Variants in SORL1 observed in about 807,000 individuals in gnomAD.
SORL1 encodes sortilin-related receptor.
A neutral mutation model predicts 273.7 loss-of-function variants in SORL1; 127 were observed. The ratio of observed to expected loss-of-function variants is 0.46; its 90% CI spans 0.40 to 0.54. The LOEUF (loss-of-function observed/expected upper bound fraction) is 0.54. SORL1 is among the 20% of genes least tolerant of loss of function. The probability of loss-of-function intolerance (pLI) is 0.00; values close to 1 mark genes in which losing one functional copy is unlikely to be tolerated. For missense variants in SORL1, 2,494 were observed against 2,846.1 expected, an observed-to-expected ratio of 0.88 and a Z score of 2.81; for synonymous variants, 1,031 against 1,067.4, an observed-to-expected ratio of 0.97 and a Z score of 0.66.
chr11:121,461,011 G>T (rs1045040115), intron 1 of SORL1, among the ~76,000 whole-genome samples: 2 of 152,140 alleles, frequency 1.3e-5, no homozygotes, highest in South Asian at 2.1e-4. Flanking sequence ...AGATGGCAGG[G>T]AGTGGGGACA....
Position 121,629,800 on chromosome 11 carries a change from G to A in SORL1, c.*237G>A. The stretch of plus-strand genomic sequence containing the variant: ...CCAATTGCTTTGATTTGACATTAAT[G>A]TAGTCTTACAGGGCTGTGCTTGCTG... On this transcript the variant is annotated 3_prime_UTR_variant, in exon 48 of 48. Coordinates refer to ENST00000260197, the MANE Select transcript of SORL1 (RefSeq NM_003105.6). 7.5e-6 allele frequency: 4 copies of A among 530,134 alleles called. No individual in the cohort carries two copies. The highest frequency in any genetic ancestry group is 4.9e-5 in the South Asian group (2 of 41,024). 32.8% of individuals were successfully genotyped at this position (530,134 alleles called of 1,614,324 possible).
intron 22 of SORL1, among the ~76,000 whole-genome samples, chr11:121,568,520 G>C (rs1862785416): frequency 6.6e-6 from 1 of 152,078 alleles, no homozygotes. Context: ...TTTCTGTAAG[G>C]AATTTTAATT....
chr11:121,479,868 G>A (rs1861345240), intron 3 of SORL1, among the ~76,000 whole-genome samples: 1 of 152,176 alleles, frequency 6.6e-6, no homozygotes, highest in South Asian at 2.1e-4. Context: ...TAACTCCAGG[G>A]TGACAGAGTA....
chr11:121,588,279 A>C (rs1447072958), intron 28 of SORL1, 128 bp downstream of exon 28: 2 of 979,678 alleles, frequency 2.0e-6, no homozygotes, highest in African/African-American at 3.2e-5. Context: ...GGGTTTGACC[A>C]CCCTGGAGTT....
At chr11:121,576,969 A>G in intron 24 of SORL1, 3 of 1,506,180 alleles carry the variant, frequency 2.0e-6, no homozygotes, top group East Asian at 2.5e-5. Context: ...TCTTCCCATC[A>G]TAGCAAGCAT....
At position 121,588,153 on chromosome 11, in the gene SORL1, T is replaced by C. The variant is rs1226383841; in HGVS notation, c.3946+2T>C. The C allele has an allele frequency of 6.2e-7, 1 of 1,612,804 alleles. No homozygotes were observed. The highest frequency in any genetic ancestry group is 8.5e-7 in the Non-Finnish European group (1 of 1,179,264). On this transcript the variant is annotated splice_donor_variant, in intron 28 of 47. Coordinates refer to ENST00000260197, the MANE Select transcript of SORL1 (RefSeq NM_003105.6). LOFTEE classifies it high-confidence loss of function. Reference sequence around the variant, plus strand: ...AGGATGCGGCGTTTGCAGGATGCTGTGAGTTGGGGCAGGCAGGGGAGGTGA... The same window carrying C: ...AGGATGCGGCGTTTGCAGGATGCTGCGAGTTGGGGCAGGCAGGGGAGGTGA...
intron 29 of SORL1, 64 bp downstream of exon 29, chr11:121,589,454 C>A: frequency 6.3e-7 from 1 of 1,589,298 alleles, no homozygotes; most frequent in South Asian, 1.1e-5. Context: ...CCTGCAGTTA[C>A]AGGGACACTC....
At chr11:121,458,791 C>T (rs528344888) in intron 1 of SORL1, among the ~76,000 whole-genome samples, 13 of 152,326 alleles carry the variant, frequency 8.5e-5, no homozygotes, top group African/African-American at 2.9e-4. Context: ...GGGTGGGCTG[C>T]TGAGCAAGAT....
chr11:121,627,485 C>T lies in SORL1; in HGVS notation c.6365-70C>T. 2.3e-6 allele frequency: 3 copies of T among 1,296,860 alleles called. No homozygotes were observed. Among genetic ancestry groups the T allele is most frequent in the Non-Finnish European group, 3.3e-6 (3 of 897,180 alleles). The allele number at this position is 1,296,860 out of a possible 1,614,324, so 80.3% of individuals were successfully genotyped here. A position where few individuals can be genotyped will look rare whatever the true frequency, so the allele number is the denominator to read the frequency against. On this transcript the variant is annotated intron_variant, in intron 46 of 47. Coordinates refer to ENST00000260197, the MANE Select transcript of SORL1 (RefSeq NM_003105.6). This position sits in a 1 kb window ranked among gnomAD's most constrained non-coding sequence, Gnocchi z 4.9. ...GCCCAGCTTTTTTTGGTGGGTGGGGCCTTGAGGAGTCATCTGGTCTGTTCT... is the reference window on the plus strand; with the variant it reads ...GCCCAGCTTTTTTTGGTGGGTGGGGTCTTGAGGAGTCATCTGGTCTGTTCT...
intron 12 of SORL1, among the ~76,000 whole-genome samples, chr11:121,533,075 A>C (rs1862224431): frequency 6.6e-6 from 1 of 152,174 alleles, no homozygotes; most frequent in African/African-American, 2.4e-5. Context: ...AATTAATAAT[A>C]ATGGCCAAAT....
chr11:121,590,818 C>T (rs904341248), intron 30 of SORL1, 183 bp from the exon 31 acceptor site: 6 of 777,434 alleles, frequency 7.7e-6, no homozygotes, highest in African/African-American at 5.1e-5. Flanking sequence ...AGAATATTGC[C>T]TCTTCTGACA....
chr11:121,607,136 C>G (rs1418982204), intron 36 of SORL1, 50 bp from the exon 37 acceptor site: 1 of 1,221,448 alleles, frequency 8.2e-7, no homozygotes, highest in African/African-American at 1.5e-5. Flanking sequence ...TATTAGGATG[C>G]CCTGGACCTT....
intron 21 of SORL1, among the ~76,000 whole-genome samples, chr11:121,561,017 C>G (rs2134912783): frequency 6.6e-6 from 1 of 152,312 alleles, no homozygotes; most frequent in East Asian, 1.9e-4. Context: ...TGACTGAAAT[C>G]TTCAGACCTT....
chr11:121,566,199 G>C (rs578110493), intron 21 of SORL1, among the ~76,000 whole-genome samples: 218 of 152,116 alleles, frequency 1.4e-3, no homozygotes, highest in African/African-American at 5.1e-3. Context: ...GCCTCATGGG[G>C]ACTGGAGCTG....
At chr11:121,611,832 G>C (rs1863568161) in intron 39 of SORL1, 1 of 152,328 alleles carries the variant, frequency 6.6e-6, no homozygotes, top group African/African-American at 2.4e-5. Context: ...CTTGGCTTCA[G>C]AATGGGTTGA....
At chr11:121,572,810 G>A (rs988384127) in intron 23 of SORL1, among the ~76,000 whole-genome samples, 5 of 152,072 alleles carry the variant, frequency 3.3e-5, no homozygotes, top group Middle Eastern at 3.2e-3. Flanking sequence ...GTTTTGACGC[G>A]AATCCCTGCA....
At chr11:121,553,271 G>A (rs946592387) in intron 16 of SORL1, among the ~76,000 whole-genome samples, 6 of 151,980 alleles carry the variant, frequency 3.9e-5, no homozygotes, top group African/African-American at 1.5e-4. Context: ...AGTTGTTGTG[G>A]GTCTTAAACA....
intron 1 of SORL1, among the ~76,000 whole-genome samples, chr11:121,467,509 T>C (rs2134778559): frequency 6.6e-6 from 1 of 152,136 alleles, no homozygotes; most frequent in South Asian, 2.1e-4. Context: ...TTGAGGACTT[T>C]TTATCCCAGA....
In SORL1 at chr11:121,563,783, G is replaced by C. The variant is rs1862711840; in HGVS notation, c.3050-3157G>C. 6.6e-6 allele frequency among the ~76,000 whole-genome samples: 1 copy of C among 152,202 alleles called. No individual in the cohort carries two copies. ...AAAGAGGTTACTTTACAAGATTGTTGATGTATTCAGTTGCTCCTGCGATGG... is the reference window on the plus strand; with the variant it reads ...AAAGAGGTTACTTTACAAGATTGTTCATGTATTCAGTTGCTCCTGCGATGG... On this transcript the variant is annotated intron_variant, in intron 21 of 47. Coordinates refer to ENST00000260197, the MANE Select transcript of SORL1 (RefSeq NM_003105.6). This position sits in a 1 kb window ranked among gnomAD's most constrained non-coding sequence, Gnocchi z 4.2.
Sources: gnomAD v4.1 joint callset for allele counts (sites outside exome capture counted in the v4.1 genomes callset) on GRCh38, gnomAD v4.1.1 for gene constraint, Gnocchi (gnomAD v3.1) non-coding constraint, MANE v1.5 for transcripts, NCBI Gene and HGNC (gene_info 2026-07-23, HGNC 2026-07-21) for gene names.